The following CMSS1 variants were observed in gnomAD, a reference collection of about 807,000 sequenced individuals.
CMSS1 encodes the protein cms1 ribosomal small subunit homolog.
CMSS1 carries 33 observed loss-of-function variants against 43.5 expected under a neutral mutation model. The observed-to-expected ratio is 0.76, with a 90% confidence interval of 0.57 to 1.01. CMSS1 has a LOEUF of 1.01. Ranked by LOEUF, CMSS1 falls within the 50% of genes least tolerant of loss-of-function variation. The pLI is 0.00. For missense variants in CMSS1, 313 were observed against 326.4 expected, an observed-to-expected ratio of 0.96 and a Z score of 0.32; for synonymous variants, 115 against 117.2, an observed-to-expected ratio of 0.98 and a Z score of 0.12.
intron 2 of CMSS1, among the ~76,000 whole-genome samples, chr3:100,156,078 A>C (rs2066969770): frequency 6.6e-6 from 1 of 151,844 alleles, no homozygotes; most frequent in African/African-American, 2.4e-5. Context: ...AAAGTTTGTC[A>C]TATATATTTC....
chr3:99,822,990 G>A (rs540312592), intron 1 of CMSS1, among the ~76,000 whole-genome samples: 55 of 152,296 alleles, frequency 3.6e-4, no homozygotes, highest in African/African-American at 1.2e-3. Flanking sequence ...AAATAGGGGA[G>A]CTGTGATTCA....
chr3:99,826,672 G>A (rs1431075872), intron 1 of CMSS1, among the ~76,000 whole-genome samples: 2 of 152,142 alleles, frequency 1.3e-5, no homozygotes, highest in Non-Finnish European at 2.9e-5. Flanking sequence ...AATCCAGAGA[G>A]AATTGTGTTT....
intron 1 of CMSS1, among the ~76,000 whole-genome samples, chr3:100,119,088 G>T (rs942656723): frequency 6.6e-6 from 1 of 152,002 alleles, no homozygotes; most frequent in Non-Finnish European, 1.5e-5. Flanking sequence ...AACATTATGT[G>T]AGTCTGTGAA....
intron 6 of CMSS1, among the ~76,000 whole-genome samples, chr3:100,168,981 A>C (rs141179966): frequency 2.6e-5 from 4 of 152,198 alleles, no homozygotes; most frequent in African/African-American, 9.6e-5. Context: ...TGGCACATGC[A>C]TGACAGATCA....
chr3:99,888,604 A>C (rs978243424), intron 1 of CMSS1, among the ~76,000 whole-genome samples: 2 of 152,172 alleles, frequency 1.3e-5, no homozygotes, highest in African/African-American at 4.8e-5. Flanking sequence ...GAGGCTCTTT[A>C]TGTTTTAGGT....
At chr3:100,003,788 A>C (rs557515999) in intron 1 of CMSS1, among the ~76,000 whole-genome samples, 4 of 152,310 alleles carry the variant, frequency 2.6e-5, no homozygotes, top group African/African-American at 9.6e-5. Context: ...AGACATATGT[A>C]TATTTATTGA....
chr3:100,140,814 A>T (rs1027943022), intron 1 of CMSS1, among the ~76,000 whole-genome samples: 30 of 152,130 alleles, frequency 2.0e-4, no homozygotes, highest in East Asian at 1.2e-3. Context: ...AAGAAAAAAA[A>T]TTTTTTTAAT....
chr3:100,085,528 AT>A (rs1349174212), intron 1 of CMSS1, among the ~76,000 whole-genome samples: 5 of 151,988 alleles, frequency 3.3e-5, no homozygotes, highest in Admixed American at 2.0e-4. Flanking sequence ...AAATATCCCC[AT>A]TTCTTCCTCT....
intron 1 of CMSS1, among the ~76,000 whole-genome samples, chr3:100,015,109 G>T (rs1419596080): frequency 4.6e-5 from 7 of 151,476 alleles, no homozygotes; most frequent in Non-Finnish European, 7.4e-5. Flanking sequence ...TCTTCCTCAT[G>T]TAGATATCCA....
intron 1 of CMSS1, among the ~76,000 whole-genome samples, chr3:100,048,362 C>A (rs1399226235): frequency 6.6e-6 from 1 of 152,210 alleles, no homozygotes; most frequent in Non-Finnish European, 1.5e-5. Context: ...GCACTGCCAG[C>A]CCTCAAGTAT....
chr3:99,942,730 G>A (rs1707887464), intron 1 of CMSS1, among the ~76,000 whole-genome samples: 1 of 152,064 alleles, frequency 6.6e-6, no homozygotes, highest in Non-Finnish European at 1.5e-5. Context: ...TCTGGAGGCT[G>A]AGGCAGGAGA....
intron 1 of CMSS1, among the ~76,000 whole-genome samples, chr3:100,010,382 T>C (rs1159845885): frequency 6.6e-5 from 10 of 152,132 alleles, no homozygotes; most frequent in South Asian, 2.1e-4. Context: ...AAAACACTTA[T>C]TGAAAGAAAC....
intron 1 of CMSS1, among the ~76,000 whole-genome samples, chr3:100,097,840 C>G (rs1261167929): frequency 6.6e-6 from 1 of 152,172 alleles, no homozygotes; most frequent in African/African-American, 2.4e-5. Context: ...TGGATACTTG[C>G]TACCTTCTAA....
intron 1 of CMSS1, chr3:99,849,623 C>G: frequency 6.2e-7 from 1 of 1,613,424 alleles, no homozygotes; most frequent in Non-Finnish European, 8.5e-7. Flanking sequence ...TTGTACTTAG[C>G]AAGTTCCATT....
At position 100,062,816 on chromosome 3, in the gene CMSS1, C is replaced by G. The variant is rs55943830; in HGVS notation, c.65-84157C>G. Among the ~76,000 whole-genome samples, 436 of 152,342 alleles carry G rather than the reference C, an allele frequency of 2.9e-3. 3 individuals carry two copies. The highest frequency in any genetic ancestry group is 4.5e-3 in the Non-Finnish European group (307 of 68,034). On this transcript the variant is annotated intron_variant, in intron 1 of 9. Transcript: ENST00000421999. ...TACACCTGTCTGGCCCAAGCCTCCT[C>G]CCCTCCAGCCTGGATTACTGTGATG...
chr3:100,080,794 A>G (rs977095346), intron 1 of CMSS1, among the ~76,000 whole-genome samples: 5 of 152,210 alleles, frequency 3.3e-5, no homozygotes, highest in Non-Finnish European at 7.3e-5. Context: ...TTCACCAGTC[A>G]GTTATTAACC....
chr3:100,111,558 G>C (rs1212785731), intron 1 of CMSS1, among the ~76,000 whole-genome samples: 1 of 152,128 alleles, frequency 6.6e-6, no homozygotes, highest in African/African-American at 2.4e-5. Flanking sequence ...ATTATGAAAA[G>C]TCTCCTCAAC....
At chr3:100,060,054 C>T (rs769606127) in intron 1 of CMSS1, among the ~76,000 whole-genome samples, 7 of 125,598 alleles carry the variant, frequency 5.6e-5, no homozygotes, top group Admixed American at 8.7e-5. Context: ...GAAATGGGGG[C>T]GGGGGGAAGA....
At chr3:100,147,370 AAG>A in intron 2 of CMSS1, among the ~76,000 whole-genome samples, 2 of 148,566 alleles carry the variant, frequency 1.3e-5, no homozygotes, top group South Asian at 4.2e-4. Context: ...TTCTGGGCTC[AAG>A]CAATCCTCTT....
Sources: allele counts gnomAD v4.1 joint callset (sites outside exome capture counted in the v4.1 genomes callset), GRCh38; gene constraint gnomAD v4.1.1; transcripts MANE v1.5; gene names NCBI Gene and HGNC (gene_info 2026-07-23, HGNC 2026-07-21).